OBSL1: variants seen among roughly 807,000 people sequenced by gnomAD.
OBSL1 encodes the protein obscurin like cytoskeletal adaptor 1, also known as obscurin-like protein 1.
Under a neutral mutation model 172.0 loss-of-function variants are expected in OBSL1, and 160 were observed. The observed-to-expected ratio is 0.93, with a 90% confidence interval of 0.82 to 1.06. The LOEUF is 1.06. Among genes scored for constraint, OBSL1 ranks in the 50% least tolerant of loss-of-function variants. The pLI is 0.00. For synonymous variants in OBSL1, 1,200 were observed against 1,196.3 expected, an observed-to-expected ratio of 1.00 and a Z score of -0.06; for missense variants, 2,681 against 2,715.4, an observed-to-expected ratio of 0.99 and a Z score of 0.28.
At position 219,551,764 on chromosome 2, in the gene OBSL1, G is replaced by A. The variant is rs773565629; in HGVS notation, c.5448C>T (p.Arg1816=). ...GGCGGCCCACCAGAACGGTCTTCTC[G>A]CGAGGGGGGTGGCGGCACATCTGGA... is the stretch of plus-strand genomic sequence containing the variant. ...LPLQMCRHPP[R]EKTVLVGRRA... Residue 1816 remains arginine (R), a synonymous_variant, in exon 20 of 21, where the codon CGC becomes CGT. Transcript: ENST00000404537. 2.8e-5 allele frequency: 45 copies of A among 1,594,232 alleles called. No homozygotes were observed. Among genetic ancestry groups the A allele is most frequent in the Non-Finnish European group, 3.7e-5 (43 of 1,168,368 alleles).
At chr2:219,565,177 G>T in intron 6 of OBSL1, 65 bp downstream of exon 6, 1 of 1,500,042 alleles carries the variant, frequency 6.7e-7, no homozygotes. Flanking sequence ...AGACCAGAGG[G>T]CATGGCTTAT....
At chr2:219,552,480 T>C in intron 18 of OBSL1, 56 bp downstream of exon 18, 1 of 1,503,850 alleles carries the variant, frequency 6.6e-7, no homozygotes, top group Non-Finnish European at 8.9e-7. Context: ...GGGCGGGATC[T>C]GTTCGAGCCT....
intron 5 of OBSL1, 94 bp downstream of exon 5, chr2:219,566,736 A>T (rs62191614): frequency 7.3e-7 from 1 of 1,372,970 alleles, no homozygotes. Context: ...CCTGGCCCAG[A>T]TACAAGAAAT....
chr2:219,568,031 C>G lies in OBSL1; in HGVS notation c.1282+24G>C. On this transcript the variant is annotated intron_variant, in intron 2 of 20. Transcript: ENST00000404537. This position sits in a 1 kb window ranked among gnomAD's most constrained non-coding sequence, Gnocchi z 4.1. ...GAGCACCTGCCTGCCTCCGCCTCAG[C>G]CTCTTCCCCACGGGCCAGCTGACCT... is the stretch of plus-strand genomic sequence containing the variant. 1.9e-6 allele frequency: 3 copies of G among 1,608,868 alleles called. No individual in the cohort carries two copies. The highest frequency in any genetic ancestry group is 2.6e-6 in the Non-Finnish European group (3 of 1,175,820).
rs1297257587 is a variant in OBSL1 at position 219,567,530 on chromosome 2, A to G, written c.1580T>C (p.Phe527Ser). The change falls in exon 4 of 21, where the codon TTC (phenylalanine) becomes TCC (serine). Residue 527 changes from phenylalanine to serine, a missense_variant. Coordinates refer to ENST00000404537, the MANE Select transcript of OBSL1 (RefSeq NM_015311.3). ...CAGGACCGTGTTCTTGTGGCCCTTG[A>G]ACATCTCTGCCAATATGGGGGGTCC... ...PPGPPILAEM[F>S]KGHKNTVLLT... is the part of the protein sequence containing the mutation. 6.2e-7 allele frequency: 1 copy of G among 1,613,062 alleles called. No homozygotes were observed. Among genetic ancestry groups the G allele is most frequent in the Non-Finnish European group, 8.5e-7 (1 of 1,179,390 alleles).
chr2:219,555,989 G>C, intron 14 of OBSL1, 31 bp downstream of exon 14: 1 of 1,608,168 alleles, frequency 6.2e-7, no homozygotes, highest in Non-Finnish European at 8.5e-7. Context: ...TGTAGGGTGG[G>C]TAATGCATTA....
chr2:219,549,766 C>A (rs1158645934), downstream of OBSL1: 26 of 1,613,994 alleles, frequency 1.6e-5, no homozygotes, highest in Non-Finnish European at 2.2e-5. Flanking sequence ...TCCCTGAGCT[C>A]CTTCATGGCC....
chr2:219,558,299 CA>C lies in OBSL1; in HGVS notation c.3386del (p.Leu1129ArgfsTer10). On this transcript the variant is annotated frameshift_variant, in exon 10 of 21. Coordinates refer to ENST00000404537, the MANE Select transcript of OBSL1 (RefSeq NM_015311.3). LOFTEE classifies it high-confidence loss of function. Reference protein sequence around the residue: ...LEVEASDALQLGAEGPTRTLT... With the variant: ...LEVEASDALQXGAEGPTRTLT... Reference sequence around the variant, plus strand: ...GGGTGCGGGTGGGCCCCTCGGCACCCAGCTGCAGGGCATCTGATGCCTCCAC... The same window carrying C: ...GGGTGCGGGTGGGCCCCTCGGCACCCGCTGCAGGGCATCTGATGCCTCCAC... 1 of 1,612,208 alleles carries C rather than the reference CA, an allele frequency of 6.2e-7. No individual in the cohort carries two copies. Among genetic ancestry groups the C allele is most frequent in the African/African-American group, 1.3e-5 (1 of 75,038 alleles).
chr2:219,565,527 A>T lies in OBSL1; in HGVS notation c.2135-13T>A, dbSNP rs777255727. 8 of 1,600,812 alleles carry T rather than the reference A, an allele frequency of 5.0e-6. No homozygotes were observed. Among genetic ancestry groups the T allele is most frequent in the Non-Finnish European group, 5.9e-6 (7 of 1,177,686 alleles). On this transcript the variant is annotated splice_polypyrimidine_tract_variant and intron_variant, in intron 5 of 20. Transcript: ENST00000404537. ...TGCACCGGGCTCTCTGTGTGGGGAGAAGTACAGATAAGCACCCCTCCCTCC... is the reference window on the plus strand; with the variant it reads ...TGCACCGGGCTCTCTGTGTGGGGAGTAGTACAGATAAGCACCCCTCCCTCC...
Position 219,567,734 on chromosome 2 carries a change from CG to C in OBSL1, c.1517del (p.Thr506SerfsTer5). On this transcript the variant is annotated frameshift_variant, in exon 3 of 21. Coordinates refer to ENST00000404537, the MANE Select transcript of OBSL1 (RefSeq NM_015311.3). LOFTEE classifies it high-confidence loss of function. The part of the protein sequence containing the change: ...TFSLGNSRTT[T>X]LLRVKCVKHS... ...TGCCCTCACATTTTACTCTGAGAAGCGTAGTGGTACGGGAGTTGCCCAGGCT... is the reference window on the plus strand; with the variant it reads ...TGCCCTCACATTTTACTCTGAGAAGCTAGTGGTACGGGAGTTGCCCAGGCT... 6.2e-7 allele frequency: 1 copy of C among 1,610,916 alleles called. No individual in the cohort carries two copies. The highest frequency in any genetic ancestry group is 8.5e-7 in the Non-Finnish European group (1 of 1,177,402).
rs1239367919 is a variant in OBSL1, at chr2:219,562,613, C to T, written c.2742G>A (p.Glu914=). The change falls in exon 8 of 21, where the codon GAG becomes GAA. Residue 914 remains glutamate, a synonymous_variant. Transcript: ENST00000404537. The part of the protein sequence containing the change: ...GKVYVAAVRL[E]RVVLTCELCR... ...ATAGCTCACAGGTCAGCACCACACG[C>T]TCCAGGCGCACGGCTGCCACATACA... The T allele has an allele frequency of 1.0e-5, 16 of 1,603,008 alleles. No homozygotes were observed. The highest frequency in any genetic ancestry group is 1.3e-5 in the African/African-American group (1 of 74,724).
rs1407047061 is a variant in OBSL1 at position 219,565,402 on chromosome 2, C to G, written c.2247G>C (p.Trp749Cys). 1 of 1,614,036 alleles carries G rather than the reference C, an allele frequency of 6.2e-7. No homozygotes were observed. The highest frequency in any genetic ancestry group is 8.5e-7 in the Non-Finnish European group (1 of 1,179,896). ...CCTCCACCTTCTGCCCATCCTTGTACCAGGTTGCCGGGAAGTCCACCCTTG... is the reference window on the plus strand; with the variant it reads ...CCTCCACCTTCTGCCCATCCTTGTAGCAGGTTGCCGGGAAGTCCACCCTTG... ...ELSRVDFPATWYKDGQKVEES... is the reference protein window; with the variant it reads ...ELSRVDFPATCYKDGQKVEES... Residue 749 changes from tryptophan (W) to cysteine (C), a missense_variant, in exon 6 of 21, where the codon TGG becomes TGC. Trp to Cys is a radical substitution (Grantham distance 215, BLOSUM62 -2). Transcript: ENST00000404537.
chr2:219,551,712 G>C lies in OBSL1; in HGVS notation c.5500C>G (p.Arg1834Gly), dbSNP rs755526871. 6 of 1,610,404 alleles carry C rather than the reference G, an allele frequency of 3.7e-6. No homozygotes were observed. The highest frequency in any genetic ancestry group is 5.1e-6 in the Non-Finnish European group (6 of 1,179,038). ...AGCCAGCACACGTGGCCCCCCGAGC[G>C]GGACACAGTCACCTCCAGCACCGCC... ...RRAVLEVTVS[R>G]SGGHVCWLRE... The change falls in exon 20 of 21, where the codon CGC (arginine) becomes GGC (glycine). Residue 1834 changes from arginine to glycine, a missense_variant. By Grantham distance (125) the Arg-to-Gly change is moderately radical. This residue lies in a region of OBSL1 where 1,765 missense variants were observed against 1,748.3 expected (regional missense o/e 1.01). Transcript: ENST00000404537.
At chr2:219,552,400 G>A (rs1474249224) in intron 18 of OBSL1, 136 bp downstream of exon 18, 6 of 931,840 alleles carry the variant, frequency 6.4e-6, no homozygotes, top group African/African-American at 1.7e-5. Flanking sequence ...GCGGGGGAAA[G>A]AACAGGGACG....
At chr2:219,562,905 G>A (rs767366632) in intron 7 of OBSL1, 24 of 575,546 alleles carry the variant, frequency 4.2e-5, no homozygotes, top group Admixed American at 9.2e-5. Context: ...AGGGGACCAC[G>A]GGGTCAGCCT....
At chr2:219,554,878 G>A (rs1441342453) in intron 14 of OBSL1, 138 bp from the exon 15 acceptor site, 3 of 952,374 alleles carry the variant, frequency 3.2e-6, no homozygotes, top group African/African-American at 3.3e-5. Flanking sequence ...TCGGAACCAG[G>A]GTGCAGGAAG....
chr2:219,570,170 G>A (rs1037689000), intron 1 of OBSL1, 51 bp downstream of exon 1: 2 of 1,433,456 alleles, frequency 1.4e-6, no homozygotes, highest in African/African-American at 1.4e-5. Context: ...GAGTTCGGAG[G>A]GCCTCGGAGG....
At chr2:219,562,081 C>T in intron 8 of OBSL1, 2 of 705,674 alleles carry the variant, frequency 2.8e-6, no homozygotes, top group East Asian at 5.4e-5. Context: ...CCCTGGTTAA[C>T]AGCTGCCTCC....
chr2:219,553,083 C>T (rs1695754064), intron 16 of OBSL1, 59 bp from the exon 17 acceptor site: 8 of 1,408,642 alleles, frequency 5.7e-6, no homozygotes, highest in Non-Finnish European at 7.3e-6. Flanking sequence ...GCGACCCCGG[C>T]CCTGGCAGGC....
Sources: gnomAD v4.1 joint callset for allele counts on GRCh38, gnomAD v4.1.1 for gene constraint, gnomAD v4.1.1 regional missense constraint, Gnocchi (gnomAD v3.1) non-coding constraint, MANE v1.5 for transcripts, NCBI Gene and HGNC (gene_info 2026-07-23, HGNC 2026-07-21) for gene names.